The following MAGI2 variants were observed in gnomAD, a reference collection of about 807,000 sequenced individuals.
MAGI2 encodes membrane-associated guanylate kinase, WW and PDZ domain-containing protein 2.
Under a neutral mutation model 133.3 loss-of-function variants are expected in MAGI2, and 35 were observed. That is an observed-to-expected ratio of 0.26 (90% CI 0.20 to 0.35). The LOEUF (loss-of-function observed/expected upper bound fraction) is 0.35, where lower values mean the gene tolerates loss of function less well. Ranked by LOEUF, MAGI2 falls within the 10% of genes least tolerant of loss-of-function variation. MAGI2 has a pLI of 1.00. For missense variants in MAGI2, 1,636 were observed against 1,863.4 expected (o/e 0.88, Z 2.25); for synonymous variants, 729 against 710.6 (o/e 1.03, Z -0.41).
rs546185897 is a variant in MAGI2 at position 78,882,013 on chromosome 7, AC to A, written c.418+125076del. ...AAACCCATACCAAATGATCAGGGAA[AC>A]CAAAAGTTGATTCTTTGAAAAGATA... On this transcript the variant is annotated intron_variant, in intron 2 of 21. Coordinates refer to ENST00000354212, the MANE Select transcript of MAGI2 (RefSeq NM_012301.4). 6.7e-5 allele frequency among the ~76,000 whole-genome samples: 10 copies of A among 148,616 alleles called. No homozygotes were observed. In the Admixed American group the frequency reaches 6.8e-4, roughly 10 times the overall value.
chr7:79,091,486 T>A (rs1817042323), intron 1 of MAGI2, among the ~76,000 whole-genome samples: 1 of 152,196 alleles, frequency 6.6e-6, no homozygotes, highest in South Asian at 2.1e-4. Context: ...ATGCATAACA[T>A]AGAATTGATT....
chr7:79,431,049 G>T (rs189410921), intron 1 of MAGI2, among the ~76,000 whole-genome samples: 1 of 152,070 alleles, frequency 6.6e-6, no homozygotes, highest in South Asian at 2.1e-4. Flanking sequence ...CTTCACTCAG[G>T]CTGGAAATAA....
rs114976205 is a variant in MAGI2, at chr7:79,274,493, C to A, written c.301+178527G>T. Reference sequence around the variant, plus strand: ...AAGCACATGGTTTTCCGTGAGGAACCAGATTAGGAAATGTGGCCGTGGTTC... The same window carrying A: ...AAGCACATGGTTTTCCGTGAGGAACAAGATTAGGAAATGTGGCCGTGGTTC... On this transcript the variant is annotated intron_variant, in intron 1 of 21. Transcript: ENST00000354212. Among the ~76,000 whole-genome samples the A allele has an allele frequency of 2.1e-3, 325 of 152,022 alleles. 1 individual carries two copies. Among genetic ancestry groups the A allele is most frequent in the African/African-American group, 7.7e-3 (319 of 41,488 alleles).
chr7:79,429,272 C>A (rs1307349177), intron 1 of MAGI2, among the ~76,000 whole-genome samples: 2 of 151,738 alleles, frequency 1.3e-5, no homozygotes, highest in Non-Finnish European at 2.9e-5. Context: ...ATTGACAAGT[C>A]AATAAATGAA....
At chr7:78,752,775 C>G (rs370048475) in intron 2 of MAGI2, among the ~76,000 whole-genome samples, 1 of 152,194 alleles carries the variant, frequency 6.6e-6, no homozygotes, top group African/African-American at 2.4e-5. Flanking sequence ...GCCAAGGTCT[C>G]CTTTTCTCTT....
intron 2 of MAGI2, among the ~76,000 whole-genome samples, chr7:78,742,800 T>C (rs1822558201): frequency 6.6e-6 from 1 of 152,094 alleles, no homozygotes; most frequent in Admixed American, 6.5e-5. Flanking sequence ...ACTTCCAAAA[T>C]AAGGCTAGAA....
chr7:79,149,463 G>A (rs1822983265), intron 1 of MAGI2, among the ~76,000 whole-genome samples: 1 of 151,986 alleles, frequency 6.6e-6, no homozygotes, highest in Non-Finnish European at 1.5e-5. Context: ...TTTCAAAGGG[G>A]ATGAACCACG....
intron 1 of MAGI2, among the ~76,000 whole-genome samples, chr7:79,133,239 A>G (rs1438850816): frequency 6.6e-6 from 1 of 152,186 alleles, no homozygotes; most frequent in Admixed American, 6.6e-5. Context: ...GATGTCTAGA[A>G]GAGTTTTTCC....
chr7:79,001,821 T>C (rs946149749), intron 2 of MAGI2, among the ~76,000 whole-genome samples: 3 of 152,222 alleles, frequency 2.0e-5, no homozygotes, highest in Admixed American at 6.5e-5. Context: ...ACATTTAACA[T>C]GCTGTGATGA....
At chr7:78,728,011 A>G (rs1820988165) in intron 2 of MAGI2, among the ~76,000 whole-genome samples, 1 of 152,180 alleles carries the variant, frequency 6.6e-6, no homozygotes. Context: ...AGTAATGGTG[A>G]TGGAGGGGGC....
chr7:79,258,831 G>A (rs1833880623), intron 1 of MAGI2, among the ~76,000 whole-genome samples: 1 of 152,208 alleles, frequency 6.6e-6, no homozygotes, highest in Non-Finnish European at 1.5e-5. Context: ...TTTGACAGAT[G>A]AGGAAGTGAG....
chr7:78,261,310 C>T (rs543162446), intron 9 of MAGI2, among the ~76,000 whole-genome samples: 41 of 152,242 alleles, frequency 2.7e-4, no homozygotes, highest in Non-Finnish European at 4.3e-4. Context: ...TATCCCTTTA[C>T]CCTCAAGAGC....
chr7:79,183,892 A>C (rs1387121399), intron 1 of MAGI2, among the ~76,000 whole-genome samples: 1 of 151,918 alleles, frequency 6.6e-6, no homozygotes, highest in Non-Finnish European at 1.5e-5. Flanking sequence ...GCACAGAAAG[A>C]CAAATACTGC....
chr7:79,023,087 A>G (rs1290696491), intron 1 of MAGI2, among the ~76,000 whole-genome samples: 1 of 152,208 alleles, frequency 6.6e-6, no homozygotes, highest in African/African-American at 2.4e-5. Context: ...AAATTCCTCA[A>G]CAAAATACTA....
chr7:79,293,284 A>G lies in MAGI2; in HGVS notation c.301+159736T>C, dbSNP rs533976873. Among the ~76,000 whole-genome samples the G allele has an allele frequency of 4.6e-5, 7 of 152,222 alleles. No homozygotes were observed. In the South Asian group the frequency reaches 1.4e-3, roughly 32 times the overall value. ...GTGTTACAAAAAATGAAAAATCTTT[A>G]TTCCCTTCTTTCATTCCCTAGCTGC... On this transcript the variant is annotated intron_variant, in intron 1 of 21. Transcript: ENST00000354212.
At chr7:78,265,334 C>CA (rs1481346737) in intron 9 of MAGI2, among the ~76,000 whole-genome samples, 5 of 152,036 alleles carry the variant, frequency 3.3e-5, no homozygotes, top group African/African-American at 1.2e-4. Flanking sequence ...AGTAAAGCCA[C>CA]AAAAAAGAAA....
At chr7:79,350,192 C>A (rs980570201) in intron 1 of MAGI2, among the ~76,000 whole-genome samples, 1 of 152,096 alleles carries the variant, frequency 6.6e-6, no homozygotes, top group Non-Finnish European at 1.5e-5. Context: ...GAAAAGCCTG[C>A]ATGTTCCTTT....
chr7:78,551,275 T>C (rs1007847589), intron 3 of MAGI2, among the ~76,000 whole-genome samples: 3 of 152,218 alleles, frequency 2.0e-5, no homozygotes, highest in African/African-American at 4.8e-5. Context: ...TAAATGGCTG[T>C]GGTTAATTGG....
In MAGI2 at chr7:78,747,655, C is replaced by T. The variant is rs116894379; in HGVS notation, c.419-120416G>A. ...ACTCTCCTAGGAGCTGCTCAACTAA[C>T]GCAGAATCTCTCCCTGTCATACCAG... is the stretch of plus-strand genomic sequence containing the variant. On this transcript the variant is annotated intron_variant, in intron 2 of 21. Transcript: ENST00000354212. Among the ~76,000 whole-genome samples, 140 of 152,264 alleles carry T rather than the reference C, an allele frequency of 9.2e-4. No individual in the cohort carries two copies. In the East Asian group the frequency reaches 0.011, roughly 12 times the overall value.
Sources: allele counts gnomAD v4.1 joint callset (sites outside exome capture counted in the v4.1 genomes callset), GRCh38; gene constraint gnomAD v4.1.1; transcripts MANE v1.5; gene names NCBI Gene and HGNC (gene_info 2026-07-23, HGNC 2026-07-21).